The following CSMD1 variants were observed in gnomAD, a reference collection of about 807,000 sequenced individuals.
CSMD1 encodes the protein CUB and sushi domain-containing protein 1.
CSMD1 carries 213 observed loss-of-function variants against 417.5 expected under a neutral mutation model. That is an observed-to-expected ratio of 0.51 (90% CI 0.46 to 0.57). The LOEUF is 0.57. Among genes scored for constraint, CSMD1 ranks in the 20% least tolerant of loss-of-function variants. The pLI is 0.00. For synonymous variants in CSMD1, 2,862 were observed against 1,736.8 expected (o/e 1.65, Z -16.11); for missense variants, 6,923 against 4,529.7 (o/e 1.53, Z -15.17).
chr8:4,157,005 G>A (rs545901154), intron 3 of CSMD1, among the ~76,000 whole-genome samples: 36 of 152,248 alleles, frequency 2.4e-4, no homozygotes, highest in African/African-American at 8.4e-4. Flanking sequence ...TATTAAGTAG[G>A]GGTGGTGGCC....
chr8:4,626,204 T>C, intron 2 of CSMD1, among the ~76,000 whole-genome samples: 1 of 152,144 alleles, frequency 6.6e-6, no homozygotes, highest in South Asian at 2.1e-4. Context: ...AGTTTTCCTC[T>C]TTTGGCTGAG....
rs138988927 is a variant in CSMD1, at chr8:3,799,372, A to T, written c.819-45330T>A. Reference sequence around the variant, plus strand: ...TTAACTCGTCAATTGCATTAGGTATATCTCCTAATGCTATCCCTCCCCCCT... The same window carrying T: ...TTAACTCGTCAATTGCATTAGGTATTTCTCCTAATGCTATCCCTCCCCCCT... On this transcript the variant is annotated intron_variant, in intron 5 of 69. Coordinates refer to ENST00000635120, the MANE Select transcript of CSMD1 (RefSeq NM_033225.6). Among the ~76,000 whole-genome samples the T allele has an allele frequency of 1.3e-3, 184 of 145,436 alleles. 1 individual carries two copies. Among genetic ancestry groups the T allele is most frequent in the African/African-American group, 4.5e-3 (179 of 39,862 alleles).
rs868183223 is a variant in CSMD1, at chr8:3,076,959, T to C, written c.7474+10138A>G. 5.3e-5 allele frequency among the ~76,000 whole-genome samples: 8 copies of C among 152,210 alleles called. 1 individual carries two copies. In the Middle Eastern group the frequency reaches 0.014, roughly 259 times the overall value. ...ATACTCATCACCTGAGTAGCGAACA[T>C]TGTATCCAACAGGCAACCCTCACCC... is the stretch of plus-strand genomic sequence containing the variant. On this transcript the variant is annotated intron_variant, in intron 49 of 69. Transcript: ENST00000635120.
chr8:4,412,195 A>G (rs993935167), intron 3 of CSMD1, among the ~76,000 whole-genome samples: 4 of 152,086 alleles, frequency 2.6e-5, no homozygotes, highest in African/African-American at 9.7e-5. Context: ...TGCAAACCTC[A>G]TGTTAAATTG....
At chr8:4,094,867 C>T (rs538586393) in intron 3 of CSMD1, among the ~76,000 whole-genome samples, 1 of 152,136 alleles carries the variant, frequency 6.6e-6, no homozygotes, top group African/African-American at 2.4e-5. Flanking sequence ...GTGTTTGGGG[C>T]ATATTGTGTA....
chr8:4,117,291 G>A (rs1585349487), intron 3 of CSMD1, among the ~76,000 whole-genome samples: 1 of 151,118 alleles, frequency 6.6e-6, no homozygotes, highest in African/African-American at 2.4e-5. Context: ...CAGCATGCGT[G>A]GCTGGCTGGT....
At position 4,321,785 on chromosome 8, in the gene CSMD1, T is replaced by G. The variant is rs150832667; in HGVS notation, c.415+98168A>C. Among the ~76,000 whole-genome samples, 417 of 152,292 alleles carry G rather than the reference T, an allele frequency of 2.7e-3. 2 individuals are homozygous for G. Among genetic ancestry groups the G allele is most frequent in the African/African-American group, 9.6e-3 (397 of 41,570 alleles). ...AGGATGCTTTGAAAATTTACAATTT[T>G]TTTTCTAAATTTACAAAGTACTAAA... On this transcript the variant is annotated intron_variant, in intron 3 of 69. Transcript: ENST00000635120.
At chr8:3,255,490 C>A (rs933277426) in intron 26 of CSMD1, among the ~76,000 whole-genome samples, 2 of 152,212 alleles carry the variant, frequency 1.3e-5, no homozygotes, top group African/African-American at 4.8e-5. Context: ...GGCAGGCAGG[C>A]CTCCTTGAGC....
At chr8:4,497,850 T>A (rs1191295474) in intron 2 of CSMD1, among the ~76,000 whole-genome samples, 2 of 152,162 alleles carry the variant, frequency 1.3e-5, no homozygotes, top group Admixed American at 1.3e-4. Context: ...AATTTCTTTT[T>A]CTTTGGTGCA....
chr8:3,765,099 G>A (rs1220179781), intron 5 of CSMD1, among the ~76,000 whole-genome samples: 1 of 152,086 alleles, frequency 6.6e-6, no homozygotes, highest in South Asian at 2.1e-4. Flanking sequence ...CCCTTAAAAA[G>A]AGGTCAACTG....
intron 1 of CSMD1, among the ~76,000 whole-genome samples, chr8:4,661,129 G>C (rs982966426): frequency 2.0e-5 from 3 of 152,092 alleles, no homozygotes; most frequent in Non-Finnish European, 2.9e-5. Context: ...ATTTATCCTA[G>C]AAATGTGACA....
intron 7 of CSMD1, among the ~76,000 whole-genome samples, chr8:3,697,871 ATG>A (rs1297134820): frequency 6.6e-6 from 1 of 152,156 alleles, no homozygotes; most frequent in Non-Finnish European, 1.5e-5. Context: ...AGGTAAAAGA[ATG>A]TGCTCTCTAG....
intron 3 of CSMD1, among the ~76,000 whole-genome samples, chr8:4,272,970 G>C (rs1804697632): frequency 6.6e-6 from 1 of 152,128 alleles, no homozygotes; most frequent in South Asian, 2.1e-4. Flanking sequence ...AATTACAAAG[G>C]AAGGAAAACC....
chr8:3,848,167 G>T (rs1481424945), intron 5 of CSMD1, among the ~76,000 whole-genome samples: 1 of 151,790 alleles, frequency 6.6e-6, no homozygotes, highest in African/African-American at 2.4e-5. Context: ...TGAGAAGTTG[G>T]CATTTTTTAC....
chr8:3,886,641 G>C (rs1430138763), intron 5 of CSMD1, among the ~76,000 whole-genome samples: 2 of 152,242 alleles, frequency 1.3e-5, no homozygotes, highest in East Asian at 1.9e-4. Context: ...GCTGAGTAGT[G>C]AGATGTATCT....
intron 37 of CSMD1, among the ~76,000 whole-genome samples, chr8:3,162,952 C>T (rs369475525): frequency 6.6e-5 from 10 of 152,042 alleles, no homozygotes; most frequent in East Asian, 5.8e-4. Flanking sequence ...ATCAGATAAA[C>T]GAATTCTAAA....
intron 10 of CSMD1, among the ~76,000 whole-genome samples, chr8:3,524,990 A>G (rs1042297560): frequency 1.3e-5 from 2 of 152,214 alleles, no homozygotes; most frequent in Non-Finnish European, 2.9e-5. Context: ...AGGAAAAATG[A>G]TAATGTATGT....
intron 6 of CSMD1, among the ~76,000 whole-genome samples, chr8:3,723,815 T>G (rs1027087183): frequency 3.9e-4 from 60 of 152,332 alleles, no homozygotes; most frequent in Non-Finnish European, 7.5e-4. Flanking sequence ...CGCAACTTAC[T>G]GCTACCAAAT....
intron 12 of CSMD1, among the ~76,000 whole-genome samples, chr8:3,464,834 G>C (rs1050668345): frequency 2.0e-5 from 3 of 151,962 alleles, no homozygotes; most frequent in Non-Finnish European, 4.4e-5. Context: ...TTGTAAAATG[G>C]TTTTAAACAA....
Sources: gnomAD v4.1 joint callset for allele counts (sites outside exome capture counted in the v4.1 genomes callset) on GRCh38, gnomAD v4.1.1 for gene constraint, MANE v1.5 for transcripts, NCBI Gene and HGNC (gene_info 2026-07-23, HGNC 2026-07-21) for gene names.